The following ENOX1 variants were observed in gnomAD, a reference collection of about 807,000 sequenced individuals.
ENOX1 encodes candidate growth-related and time keeping constitutive hydroquinone (NADH) oxidase.
A neutral mutation model predicts 82.5 loss-of-function variants in ENOX1; 42 were observed. The observed-to-expected ratio is 0.51, with a 90% CI of 0.40 to 0.66. The LOEUF (loss-of-function observed/expected upper bound fraction) is 0.66, where lower values mean the gene tolerates loss of function less well. Ranked by LOEUF, ENOX1 falls within the 30% of genes least tolerant of loss-of-function variation. The pLI is 0.00. For missense variants in ENOX1, 608 were observed against 811.6 expected (o/e 0.75, Z 3.05); for synonymous variants, 271 against 282.2 (o/e 0.96, Z 0.40).
intron 8 of ENOX1, among the ~76,000 whole-genome samples, chr13:43,355,195 T>C (rs1052678906): frequency 6.6e-6 from 1 of 152,348 alleles, no homozygotes; most frequent in South Asian, 2.1e-4. Context: ...TGAATTCACA[T>C]GTCATCCTAA....
chr13:43,607,862 C>T (rs1442921167), intron 2 of ENOX1, among the ~76,000 whole-genome samples: 1 of 152,136 alleles, frequency 6.6e-6, no homozygotes, highest in Non-Finnish European at 1.5e-5. Flanking sequence ...TCTGATAAAA[C>T]CTCTGGTAGA....
intron 1 of ENOX1, among the ~76,000 whole-genome samples, chr13:43,735,245 C>G (rs2089561950): frequency 6.6e-6 from 1 of 152,082 alleles, no homozygotes; most frequent in African/African-American, 2.4e-5. Context: ...CCTTTAAAGA[C>G]CACAATTACA....
At chr13:43,437,480 T>C (rs1005236400) in intron 3 of ENOX1, among the ~76,000 whole-genome samples, 6 of 152,160 alleles carry the variant, frequency 3.9e-5, no homozygotes, top group African/African-American at 1.4e-4. Context: ...GAGAACTTAG[T>C]GCAACTATGG....
chr13:43,356,781 G>A (rs911878727), intron 7 of ENOX1, among the ~76,000 whole-genome samples: 5 of 152,060 alleles, frequency 3.3e-5, no homozygotes, highest in African/African-American at 1.2e-4. Flanking sequence ...CCTCTGGGGT[G>A]CGCAGGAGAA....
At chr13:43,279,351 G>A (rs1467216997) in intron 12 of ENOX1, among the ~76,000 whole-genome samples, 1 of 152,180 alleles carries the variant, frequency 6.6e-6, no homozygotes, top group Non-Finnish European at 1.5e-5. Flanking sequence ...TGCTGTGCAA[G>A]CTTGAACAAG....
intron 2 of ENOX1, among the ~76,000 whole-genome samples, chr13:43,523,481 C>G (rs970222510): frequency 2.6e-5 from 4 of 152,112 alleles, no homozygotes; most frequent in Admixed American, 1.3e-4. Flanking sequence ...GAGGGCAAAC[C>G]ATTTATTCTT....
intron 2 of ENOX1, among the ~76,000 whole-genome samples, chr13:43,540,834 CAAAAAAGG>C (rs2078675017): frequency 6.6e-6 from 1 of 152,064 alleles, no homozygotes; most frequent in Non-Finnish European, 1.5e-5. Context: ...GACCCCCCCT[CAAAAAAGG>C]TGGTGCCTTT....
chr13:43,784,810 G>C (rs1434002465), intron 1 of ENOX1, among the ~76,000 whole-genome samples: 2 of 152,154 alleles, frequency 1.3e-5, no homozygotes, highest in African/African-American at 4.8e-5. Context: ...CATTGACAAG[G>C]CTTCTAAAGA....
At chr13:43,249,455 A>T (rs2153468548) in intron 14 of ENOX1, among the ~76,000 whole-genome samples, 1 of 152,346 alleles carries the variant, frequency 6.6e-6, no homozygotes, top group African/African-American at 2.4e-5. Context: ...AATACTTTTT[A>T]AAAATGTATG....
chr13:43,437,771 C>T (rs1275104337), intron 3 of ENOX1, among the ~76,000 whole-genome samples: 1 of 152,076 alleles, frequency 6.6e-6, no homozygotes, highest in Non-Finnish European at 1.5e-5. Flanking sequence ...GTGTGCAGCA[C>T]CATTTTAAAT....
chr13:43,377,252 C>T lies in ENOX1; in HGVS notation c.209-15800G>A, dbSNP rs1004948662. Reference sequence around the variant, plus strand: ...CTCCTGATAAAAAGATAAGGTCAGTCCCCACTCTCTCTCTGTCTCACATGC... The same window carrying T: ...CTCCTGATAAAAAGATAAGGTCAGTTCCCACTCTCTCTCTGTCTCACATGC... On this transcript the variant is annotated intron_variant, in intron 5 of 16. Coordinates refer to ENST00000690772, the MANE Select transcript of ENOX1 (RefSeq NM_001347969.2). Among the ~76,000 whole-genome samples the T allele has an allele frequency of 1.7e-4, 26 of 152,220 alleles. No homozygotes were observed. In the South Asian group the frequency reaches 2.3e-3, roughly 13 times the overall value.
chr13:43,311,838 G>C (rs1305841691), intron 11 of ENOX1, among the ~76,000 whole-genome samples: 1 of 152,192 alleles, frequency 6.6e-6, no homozygotes, highest in Non-Finnish European at 1.5e-5. Flanking sequence ...TTTGTATTAT[G>C]ACATTGTTTA....
chr13:43,477,199 T>G (rs9562493), intron 3 of ENOX1, among the ~76,000 whole-genome samples: 51,948 of 149,878 alleles, frequency 0.35, 10,536 homozygotes, highest in East Asian at 0.81. Flanking sequence ...CACATATATA[T>G]AGAGAGATTA....
Position 43,287,665 on chromosome 13 carries a change from C to T in ENOX1, c.1446+10681G>A, listed in dbSNP as rs533773333. Reference sequence around the variant, plus strand: ...TCTTATGACCTCTGGTCAGTGAAGACGGCAAGATACTCAGTGGGCCATCCT... The same window carrying T: ...TCTTATGACCTCTGGTCAGTGAAGATGGCAAGATACTCAGTGGGCCATCCT... On this transcript the variant is annotated intron_variant, in intron 12 of 16. Transcript: ENST00000690772. Among the ~76,000 whole-genome samples the T allele has an allele frequency of 5.9e-5, 9 of 152,264 alleles. No homozygotes were observed. In the South Asian group the frequency reaches 8.3e-4, roughly 14 times the overall value.
intron 3 of ENOX1, among the ~76,000 whole-genome samples, chr13:43,444,599 AC>A (rs1480823017): frequency 6.6e-6 from 1 of 152,216 alleles, no homozygotes; most frequent in Admixed American, 6.5e-5. Context: ...GCCTAACTAA[AC>A]CAGAATTTCA....
rs78694175 is a variant in ENOX1, at chr13:43,626,542, G to A, written c.-219+40937C>T. On this transcript the variant is annotated intron_variant, in intron 2 of 16. Transcript: ENST00000690772. ...TAGTTCAATATATTTTTATGTCCCC[G>A]ATACTCTGACCCACGCATTGACTAA... Among the ~76,000 whole-genome samples the A allele has an allele frequency of 7.0e-3, 1,067 of 151,684 alleles. 9 individuals are homozygous for A. Among genetic ancestry groups the A allele is most frequent in the African/African-American group, 0.024 (1,003 of 41,436 alleles).
chr13:43,644,641 A>G (rs2083811487), intron 2 of ENOX1, among the ~76,000 whole-genome samples: 1 of 152,246 alleles, frequency 6.6e-6, no homozygotes, highest in Non-Finnish European at 1.5e-5. Flanking sequence ...AGCAGCTTCA[A>G]ATAACTTATT....
chr13:43,475,812 A>AG (rs949124332), intron 3 of ENOX1, among the ~76,000 whole-genome samples: 11 of 151,372 alleles, frequency 7.3e-5, no homozygotes, highest in Non-Finnish European at 1.3e-4. Context: ...AAAAAAAAAA[A>AG]AAAGAAAGGC....
intron 3 of ENOX1, chr13:43,459,073 T>C (rs932681270): frequency 1.3e-5 from 2 of 152,236 alleles, no homozygotes; most frequent in African/African-American, 2.4e-5. Flanking sequence ...CTAATTTTGA[T>C]TGATTGATGC....
Sources: allele counts gnomAD v4.1 joint callset (sites outside exome capture counted in the v4.1 genomes callset), GRCh38; gene constraint gnomAD v4.1.1; transcripts MANE v1.5; gene names NCBI Gene and HGNC (gene_info 2026-07-23, HGNC 2026-07-21).